DSCAM: variants seen among roughly 807,000 people sequenced by gnomAD.
The protein encoded by DSCAM is DS cell adhesion molecule.
DSCAM carries 47 observed loss-of-function variants against 217.7 expected under a neutral mutation model. The ratio of observed to expected loss-of-function variants is 0.22; its 90% CI spans 0.17 to 0.28. DSCAM has a LOEUF of 0.28. Among genes scored for constraint, DSCAM ranks in the 10% least tolerant of loss-of-function variants. The pLI is 1.00. For synonymous variants in DSCAM, 1,056 were observed against 1,015.3 expected, an observed-to-expected ratio of 1.04 and a Z score of -0.76; for missense variants, 2,080 against 2,618.3, an observed-to-expected ratio of 0.79 and a Z score of 4.49.
chr21:40,514,174 T>C (rs539711072), intron 3 of DSCAM, among the ~76,000 whole-genome samples: 1 of 152,266 alleles, frequency 6.6e-6, no homozygotes, highest in South Asian at 2.1e-4. Context: ...CAAAGAAAAC[T>C]GGACAGGTAT....
chr21:40,146,585 T>C (rs1776024042), intron 16 of DSCAM, among the ~76,000 whole-genome samples: 1 of 152,182 alleles, frequency 6.6e-6, no homozygotes, highest in Admixed American at 6.5e-5. Flanking sequence ...CATTTTTGTT[T>C]TTCACAGCAA....
At chr21:40,371,652 T>A (rs1322587128) in intron 3 of DSCAM, among the ~76,000 whole-genome samples, 1 of 152,168 alleles carries the variant, frequency 6.6e-6, no homozygotes, top group African/African-American at 2.4e-5. Context: ...TATCTAACAT[T>A]TTTTTCGTTT....
rs889794532 is a variant in DSCAM, at chr21:40,639,935, C to T, written c.508+52875G>A. 5.9e-5 allele frequency among the ~76,000 whole-genome samples: 9 copies of T among 152,150 alleles called. 1 individual carries two copies. The highest frequency in any genetic ancestry group is 1.9e-4 in the African/African-American group (8 of 41,432). On this transcript the variant is annotated intron_variant, in intron 3 of 32. Coordinates refer to ENST00000400454, the MANE Select transcript of DSCAM (RefSeq NM_001389.5). The stretch of plus-strand genomic sequence containing the variant: ...AAAAAAACCCATGCCTTGTTCTACA[C>T]GGGCTCCATATCGATTCATGGAAGT...
intron 3 of DSCAM, among the ~76,000 whole-genome samples, chr21:40,462,166 T>C (rs928138925): frequency 1.3e-5 from 2 of 152,102 alleles, no homozygotes; most frequent in African/African-American, 2.4e-5. Flanking sequence ...CAAGTTCAGA[T>C]AAGAAAATTT....
chr21:40,553,105 C>T (rs561972773), intron 3 of DSCAM, among the ~76,000 whole-genome samples: 6 of 152,158 alleles, frequency 3.9e-5, no homozygotes, highest in Admixed American at 1.3e-4. Context: ...TAACAATCAG[C>T]TAGGATTAAA....
At chr21:40,764,786 T>C (rs899062197) in intron 1 of DSCAM, among the ~76,000 whole-genome samples, 7 of 133,548 alleles carry the variant, frequency 5.2e-5, no homozygotes, top group Admixed American at 4.7e-4. Context: ...ATGAATGAGT[T>C]CATGTCCTTT....
intron 11 of DSCAM, among the ~76,000 whole-genome samples, chr21:40,200,987 C>A (rs544606689): frequency 6.6e-6 from 1 of 152,324 alleles, no homozygotes; most frequent in South Asian, 2.1e-4. Flanking sequence ...ATGATTTTTC[C>A]AGCCAGGAAT....
At chr21:40,416,823 T>C (rs940543692) in intron 3 of DSCAM, among the ~76,000 whole-genome samples, 3 of 152,146 alleles carry the variant, frequency 2.0e-5, no homozygotes, top group African/African-American at 4.8e-5. Context: ...TAATTTAGGA[T>C]TTTTTTAGAA....
chr21:40,189,052 G>C lies in DSCAM; in HGVS notation c.2543C>G (p.Ser848Cys), dbSNP rs757841025. 1.9e-6 allele frequency: 3 copies of C among 1,613,980 alleles called. No homozygotes were observed. The highest frequency in any genetic ancestry group is 2.7e-5 in the African/African-American group (2 of 74,902). The change falls in exon 12 of 33, where the codon TCT becomes TGT. Residue 848 changes from serine (S) to cysteine (C), a missense_variant. Ser to Cys is a moderately radical substitution (Grantham distance 112). Transcript: ENST00000400454. ...TTGCCATGCTTTTACCTGCAGAGTA[G>C]AAATCACCTCTTCTCCCACCTCCTT... ...STKEVGEEVI[S>C]TLQILPTVRE...
At chr21:40,283,013 C>T (rs1223526904) in intron 10 of DSCAM, among the ~76,000 whole-genome samples, 1 of 152,198 alleles carries the variant, frequency 6.6e-6, no homozygotes, top group Non-Finnish European at 1.5e-5. Context: ...GTTATTGCAT[C>T]TGAAGATCTA....
intron 3 of DSCAM, among the ~76,000 whole-genome samples, chr21:40,633,731 T>C (rs761468558): frequency 2.6e-5 from 4 of 152,122 alleles, no homozygotes; most frequent in Non-Finnish European, 4.4e-5. Context: ...CTAAGAACTG[T>C]TTGATGGGGA....
intron 3 of DSCAM, among the ~76,000 whole-genome samples, chr21:40,657,704 C>T (rs969576182): frequency 2.6e-5 from 4 of 152,182 alleles, no homozygotes; most frequent in Admixed American, 2.0e-4. Context: ...AGTACCCATG[C>T]TGAAATGATT....
intron 3 of DSCAM, among the ~76,000 whole-genome samples, chr21:40,634,812 C>T (rs535586035): frequency 1.3e-5 from 2 of 152,306 alleles, no homozygotes; most frequent in Admixed American, 6.5e-5. Flanking sequence ...TTTGCACCCA[C>T]GTCCACCTCT....
At chr21:40,317,104 G>A (rs960800753) in intron 8 of DSCAM, among the ~76,000 whole-genome samples, 6 of 152,160 alleles carry the variant, frequency 3.9e-5, no homozygotes, top group East Asian at 3.8e-4. Flanking sequence ...GCTCTTCTGC[G>A]CAGCCACAGG....
chr21:40,417,914 C>T (rs532282718), intron 3 of DSCAM, among the ~76,000 whole-genome samples: 6 of 152,226 alleles, frequency 3.9e-5, no homozygotes, highest in South Asian at 4.2e-4. Context: ...CATGTATAAA[C>T]GGGGAAGGTG....
chr21:40,189,896 T>G (rs2090937126), intron 11 of DSCAM, among the ~76,000 whole-genome samples: 1 of 152,222 alleles, frequency 6.6e-6, no homozygotes, highest in African/African-American at 2.4e-5. Context: ...GAAAACGGAC[T>G]AATACAATGA....
intron 13 of DSCAM, 106 bp from the exon 14 acceptor site, chr21:40,187,365 CA>C (rs2090906283): frequency 1.4e-6 from 2 of 1,391,890 alleles, no homozygotes; most frequent in Non-Finnish European, 9.7e-7. Flanking sequence ...CTGCATTAGA[CA>C]AGAACAGAAG....
chr21:40,684,504 AG>A (rs35589521), intron 3 of DSCAM, among the ~76,000 whole-genome samples: 50,117 of 152,072 alleles, frequency 0.33, 9,253 homozygotes, highest in Admixed American at 0.47. Context: ...CATCTGCTTA[AG>A]GAGACCTTCC....
intron 10 of DSCAM, among the ~76,000 whole-genome samples, chr21:40,292,730 A>T (rs1426037521): frequency 6.6e-6 from 1 of 152,092 alleles, no homozygotes; most frequent in Non-Finnish European, 1.5e-5. Context: ...ATTAGAAGTC[A>T]TTATGATATC....
Sources: gnomAD v4.1 joint callset for allele counts (sites outside exome capture counted in the v4.1 genomes callset) on GRCh38, gnomAD v4.1.1 for gene constraint, MANE v1.5 for transcripts, NCBI Gene and HGNC (gene_info 2026-07-23, HGNC 2026-07-21) for gene names.